The following TBCD variants were observed in gnomAD, a reference collection of about 807,000 sequenced individuals.
The protein encoded by TBCD is tubulin folding cofactor D.
TBCD carries 105 observed loss-of-function variants against 169.3 expected under a neutral mutation model. The ratio of observed to expected loss-of-function variants is 0.62; its 90% CI spans 0.53 to 0.73. The LOEUF is 0.73. TBCD is among the 30% of genes least tolerant of loss of function. The pLI, the probability that TBCD is intolerant of heterozygous loss-of-function variation, is 0.00. For missense variants in TBCD, 1,444 were observed against 1,600.1 expected (o/e 0.90, Z 1.66); for synonymous variants, 700 against 643.9 (o/e 1.09, Z -1.32).
intron 14 of TBCD, among the ~76,000 whole-genome samples, chr17:82,878,356 G>T (rs1473546890): frequency 6.6e-6 from 1 of 152,230 alleles, no homozygotes; most frequent in East Asian, 1.9e-4. Context: ...GACTTGAGGA[G>T]ACCTCACCCC....
intron 7 of TBCD, among the ~76,000 whole-genome samples, chr17:82,787,451 CAT>C (rs377458302): frequency 1.3e-5 from 2 of 152,228 alleles, no homozygotes; most frequent in African/African-American, 4.8e-5. Flanking sequence ...TTTCCAGAGT[CAT>C]GTGTGTTGTT....
At position 82,890,402 on chromosome 17, in the gene TBCD, A is replaced by G. The variant is rs1305256570; in HGVS notation, c.1563+705A>G. ...AGTTCCCGGACAGCAAAGCAAATGC[A>G]GCCGGGGTCTGGGCTGTGGCCAGGT... On this transcript the variant is annotated intron_variant, in intron 16 of 38. Coordinates refer to ENST00000355528, the MANE Select transcript of TBCD (RefSeq NM_005993.5). This position sits in a 1 kb window ranked among gnomAD's most constrained non-coding sequence, Gnocchi z 5.3. Among the ~76,000 whole-genome samples the G allele has an allele frequency of 6.6e-6, 1 of 152,106 alleles. No individual in the cohort carries two copies. Among genetic ancestry groups the G allele is most frequent in the Non-Finnish European group, 1.5e-5 (1 of 68,012 alleles).
chr17:82,892,695 C>T (rs891454511), intron 16 of TBCD, among the ~76,000 whole-genome samples: 7 of 152,140 alleles, frequency 4.6e-5, no homozygotes, highest in African/African-American at 1.4e-4. Context: ...ATCCCGGCCT[C>T]GGAGGTGGGC....
chr17:82,877,619 C>T (rs1342199375), intron 14 of TBCD, among the ~76,000 whole-genome samples: 3 of 152,124 alleles, frequency 2.0e-5, no homozygotes, highest in East Asian at 3.9e-4. Flanking sequence ...GGATTACAGG[C>T]GTGAGCCACT....
At chr17:82,830,565 C>G in intron 13 of TBCD, 1 of 1,614,070 alleles carries the variant, frequency 6.2e-7, no homozygotes, top group Non-Finnish European at 8.5e-7. Flanking sequence ...TCCCAGTCTT[C>G]TGTGGAACAG....
At chr17:82,878,665 T>C (rs2058139177) in intron 14 of TBCD, among the ~76,000 whole-genome samples, 1 of 152,176 alleles carries the variant, frequency 6.6e-6, no homozygotes, top group South Asian at 2.1e-4. Flanking sequence ...GAGGAGACTG[T>C]GTTTTCCTCT....
rs1694756112 is a variant in TBCD at position 82,874,772 on chromosome 17, T to G, written c.1475+4392T>G. Among the ~76,000 whole-genome samples, 1 of 152,194 alleles carries G rather than the reference T, an allele frequency of 6.6e-6. No homozygotes were observed. The highest frequency in any genetic ancestry group is 6.5e-5 in the Admixed American group (1 of 15,280). ...CCCAGGAGCCCTGCGCACCCGGGTA[T>G]CGGTTGGGGTGTGCCCTTCCAGATC... On this transcript the variant is annotated intron_variant, in intron 14 of 38. Coordinates refer to ENST00000355528, the MANE Select transcript of TBCD (RefSeq NM_005993.5). This position sits in a 1 kb window ranked among gnomAD's most constrained non-coding sequence, Gnocchi z 5.0.
chr17:82,899,309 C>T (rs550699966), intron 17 of TBCD, among the ~76,000 whole-genome samples: 12 of 149,924 alleles, frequency 8.0e-5, no homozygotes, highest in Admixed American at 1.3e-4. Flanking sequence ...CCTCCGCTCA[C>T]GTGTCCTCAG....
chr17:82,880,169 C>T lies in TBCD; in HGVS notation c.1476-3976C>T, dbSNP rs910678276. On this transcript the variant is annotated intron_variant, in intron 14 of 38. Coordinates refer to ENST00000355528, the MANE Select transcript of TBCD (RefSeq NM_005993.5). This position sits in a 1 kb window ranked among gnomAD's most constrained non-coding sequence, Gnocchi z 5.0. ...CTTCTTCCTTCCTGTATGTATTTAT[C>T]TCCTTACCTGTCTACTTATCAGTCT... 3.5e-4 allele frequency among the ~76,000 whole-genome samples: 53 copies of T among 152,156 alleles called. No individual in the cohort carries two copies. Among genetic ancestry groups the T allele is most frequent in the Non-Finnish European group, 6.2e-4 (42 of 68,024 alleles).
intron 2 of TBCD, among the ~76,000 whole-genome samples, chr17:82,756,769 C>T (rs894631314): frequency 1.3e-5 from 2 of 152,194 alleles, no homozygotes; most frequent in Non-Finnish European, 2.9e-5. Flanking sequence ...TGAGCCACCG[C>T]GCCTGGCCTC....
rs145279307 is a variant in TBCD at position 82,854,874 on chromosome 17, A to T, written c.1319-15350A>T. On this transcript the variant is annotated intron_variant, in intron 13 of 38. Coordinates refer to ENST00000355528, the MANE Select transcript of TBCD (RefSeq NM_005993.5). ...GGACACAAGCCACTTAACAGTGCCAATCACAAGACAAGCAAAGCTCTGTGT... is the reference window on the plus strand; with the variant it reads ...GGACACAAGCCACTTAACAGTGCCATTCACAAGACAAGCAAAGCTCTGTGT... Among the ~76,000 whole-genome samples the T allele has an allele frequency of 2.0e-5, 3 of 152,356 alleles. No individual in the cohort carries two copies. In the East Asian group the frequency reaches 5.8e-4, roughly 29 times the overall value.
chr17:82,834,489 G>A (rs1268098514), intron 13 of TBCD, among the ~76,000 whole-genome samples: 2 of 152,208 alleles, frequency 1.3e-5, no homozygotes, highest in African/African-American at 4.8e-5. Flanking sequence ...GTGATAGACT[G>A]AATAAAGAAA....
At chr17:82,781,916 G>A (rs913208360) in intron 7 of TBCD, among the ~76,000 whole-genome samples, 195 bp downstream of exon 7, 6 of 152,196 alleles carry the variant, frequency 3.9e-5, no homozygotes, top group Non-Finnish European at 5.9e-5. Flanking sequence ...TGGTTTCTGC[G>A]CTGGTGCTGG....
intron 32 of TBCD, 73 bp downstream of exon 32, chr17:82,929,573 G>A: frequency 6.3e-7 from 1 of 1,580,506 alleles, no homozygotes; most frequent in African/African-American, 1.3e-5. Flanking sequence ...TCTCTTGGGA[G>A]CATGTATGGA....
chr17:82,887,805 C>A (rs1024509364), intron 15 of TBCD, among the ~76,000 whole-genome samples: 3 of 152,174 alleles, frequency 2.0e-5, no homozygotes, highest in African/African-American at 7.2e-5. Context: ...TGTGGTGATA[C>A]GTCGTTGTGG....
At chr17:82,940,217 G>A (rs775973162) in intron 37 of TBCD, among the ~76,000 whole-genome samples, 106 of 101,448 alleles carry the variant, frequency 1.0e-3, no homozygotes, top group Middle Eastern at 4.9e-3. Flanking sequence ...TCACTTGCAC[G>A]CGCGCACACA....
intron 13 of TBCD, 109 bp from the exon 14 acceptor site, chr17:82,870,115 C>T: frequency 6.8e-7 from 1 of 1,476,640 alleles, no homozygotes; most frequent in Non-Finnish European, 9.2e-7. Context: ...GCGTGCCTCA[C>T]TCATCTGGCA....
At chr17:82,909,950 A>G (rs2060511783) in intron 22 of TBCD, among the ~76,000 whole-genome samples, 1 of 152,208 alleles carries the variant, frequency 6.6e-6, no homozygotes. Flanking sequence ...GGTGTCACAC[A>G]GTAGGAAGCC....
intron 13 of TBCD, chr17:82,858,609 G>T: frequency 1.0e-6 from 1 of 985,380 alleles, no homozygotes; most frequent in South Asian, 4.7e-5. Context: ...GGCCTGGTTC[G>T]CTGGGTGTGC....
Sources: gnomAD v4.1 joint callset for allele counts (sites outside exome capture counted in the v4.1 genomes callset) on GRCh38, gnomAD v4.1.1 for gene constraint, Gnocchi (gnomAD v3.1) non-coding constraint, MANE v1.5 for transcripts, NCBI Gene and HGNC (gene_info 2026-07-23, HGNC 2026-07-21) for gene names.